FLI1: variants seen among roughly 807,000 people sequenced by gnomAD.
The protein encoded by FLI1 is Friend leukemia integration 1 transcription factor.
Under a neutral mutation model 53.1 loss-of-function variants are expected in FLI1, and 13 were observed. That is an observed-to-expected ratio of 0.24 (90% CI 0.16 to 0.39). The LOEUF (loss-of-function observed/expected upper bound fraction) is 0.39, where lower values mean the gene tolerates loss of function less well. Among genes scored for constraint, FLI1 ranks in the 10% least tolerant of loss-of-function variants. The pLI, the probability that FLI1 is intolerant of heterozygous loss-of-function variation, is 1.00. For synonymous variants in FLI1, 244 were observed against 236.7 expected (o/e 1.03, Z -0.28); for missense variants, 424 against 600.5 (o/e 0.71, Z 3.07).
At chr11:128,789,453 C>A (rs1942199493) in intron 5 of FLI1, among the ~76,000 whole-genome samples, 1 of 152,196 alleles carries the variant, frequency 6.6e-6, no homozygotes. Context: ...ACCATGAATT[C>A]ATGATTGTTA....
At chr11:128,714,710 C>CTTTTTT (rs11381734) in intron 1 of FLI1, among the ~76,000 whole-genome samples, 2 of 121,686 alleles carry the variant, frequency 1.6e-5, no homozygotes, top group African/African-American at 6.3e-5. Context: ...CTTGAAGGAC[C>CTTTTTT]TTTTTTTTTT....
At chr11:128,698,950 G>A (rs554940337) in intron 1 of FLI1, among the ~76,000 whole-genome samples, 1 of 152,172 alleles carries the variant, frequency 6.6e-6, no homozygotes, top group Admixed American at 6.5e-5. Flanking sequence ...TTTTCCAGCA[G>A]ACAAAGTAAA....
chr11:128,794,779 G>A (rs1204496854), intron 5 of FLI1, among the ~76,000 whole-genome samples: 4 of 152,154 alleles, frequency 2.6e-5, no homozygotes, highest in African/African-American at 4.8e-5. Flanking sequence ...CTGTAAGATC[G>A]AGAAGTTTAA....
chr11:128,725,673 TG>T (rs398018022), intron 1 of FLI1, among the ~76,000 whole-genome samples: 1 of 151,732 alleles, frequency 6.6e-6, no homozygotes, highest in Non-Finnish European at 1.5e-5. Flanking sequence ...TGTGTGTGTG[TG>T]TTTGTGTGTG....
At chr11:128,800,445 G>A (rs374320232) in intron 5 of FLI1, among the ~76,000 whole-genome samples, 5 of 152,260 alleles carry the variant, frequency 3.3e-5, no homozygotes, top group South Asian at 4.2e-4. Context: ...GCTGCATGCC[G>A]GCAGGGACGT....
At chr11:128,798,845 T>C (rs1003175572) in intron 5 of FLI1, among the ~76,000 whole-genome samples, 2 of 152,070 alleles carry the variant, frequency 1.3e-5, no homozygotes, top group Non-Finnish European at 2.9e-5. Flanking sequence ...CCAGTGACTC[T>C]GGCACCTGAC....
intron 5 of FLI1, among the ~76,000 whole-genome samples, chr11:128,790,547 T>C (rs1320894011): frequency 1.3e-5 from 2 of 152,212 alleles, no homozygotes; most frequent in African/African-American, 4.8e-5. Flanking sequence ...GTAAAAGGAC[T>C]GTTATTTCTT....
intron 1 of FLI1, among the ~76,000 whole-genome samples, chr11:128,723,640 G>A (rs1232924348): frequency 6.6e-6 from 1 of 152,188 alleles, no homozygotes; most frequent in Non-Finnish European, 1.5e-5. Flanking sequence ...GTAGATCAAT[G>A]CAACCCATTT....
At chr11:128,771,548 T>C (rs76742638) in intron 3 of FLI1, among the ~76,000 whole-genome samples, 2,841 of 152,348 alleles carry the variant, frequency 0.019, 46 homozygotes, top group Middle Eastern at 0.048. Flanking sequence ...TCAATCCTGG[T>C]TCCCTGCTTT....
chr11:128,738,912 G>C (rs1940015348), intron 1 of FLI1, among the ~76,000 whole-genome samples: 1 of 152,190 alleles, frequency 6.6e-6, no homozygotes, highest in Admixed American at 6.5e-5. Context: ...GGGCTTTTCA[G>C]TGTGTAAACC....
At chr11:128,778,314 T>TC (rs748572051) in intron 4 of FLI1, among the ~76,000 whole-genome samples, 1 of 152,024 alleles carries the variant, frequency 6.6e-6, no homozygotes, top group African/African-American at 2.4e-5. Flanking sequence ...CATAAGCACC[T>TC]CCCGGGCCAA....
chr11:128,739,669 A>G (rs929736672), intron 1 of FLI1, among the ~76,000 whole-genome samples: 1 of 151,946 alleles, frequency 6.6e-6, no homozygotes, highest in Non-Finnish European at 1.5e-5. Context: ...ATTAGGGGGG[A>G]AAAATCCTTC....
intron 5 of FLI1, among the ~76,000 whole-genome samples, chr11:128,795,248 G>A (rs1360720472): frequency 1.3e-5 from 2 of 152,196 alleles, no homozygotes; most frequent in Non-Finnish European, 2.9e-5. Context: ...CTCAAGATAT[G>A]TTTTTCTTCC....
At position 128,783,701 on chromosome 11, in the gene FLI1, T is replaced by G. The variant is rs1941994884; in HGVS notation, c.655+1678T>G. 2.0e-5 allele frequency among the ~76,000 whole-genome samples: 3 copies of G among 152,206 alleles called. No homozygotes were observed. The South Asian group carries it at 6.2e-4, about 31-fold the overall frequency. On this transcript the variant is annotated intron_variant, in intron 5 of 8. Coordinates refer to ENST00000527786, the MANE Select transcript of FLI1 (RefSeq NM_002017.5). ...AGAAAACCACTTCAGGCCCTGAACC[T>G]CAGTTTCCTGCAGAACGAAAGAGAA...
At position 128,810,605 on chromosome 11, in the gene FLI1, A is replaced by G. The variant is rs1395695165; in HGVS notation, c.976A>G (p.Ser326Gly). Reference sequence around the variant, plus strand: ...GGCCAGGCGCTGGGGCGAGCGGAAAAGCAAGCCCAACATGAATTACGACAA... The same window carrying G: ...GGCCAGGCGCTGGGGCGAGCGGAAAGGCAAGCCCAACATGAATTACGACAA... ...EVARRWGERKSKPNMNYDKLS... is the reference protein window; with the variant it reads ...EVARRWGERKGKPNMNYDKLS... The change falls in exon 9 of 9, where the codon AGC becomes GGC. Residue 326 changes from serine (S) to glycine (G), a missense_variant. Ser to Gly is a moderately conservative substitution (Grantham distance 56, BLOSUM62 0). This residue lies in a region of FLI1 where 71 missense variants were observed against 174.2 expected (regional missense o/e 0.41). Coordinates refer to ENST00000527786, the MANE Select transcript of FLI1 (RefSeq NM_002017.5). The surrounding 1 kb of genome is among the most constrained non-coding windows in gnomAD (Gnocchi z 6.6). The G allele has an allele frequency of 7.4e-6, 12 of 1,613,984 alleles. No individual in the cohort carries two copies. The highest frequency in any genetic ancestry group is 9.3e-6 in the Non-Finnish European group (11 of 1,179,918).
At chr11:128,804,587 G>A (rs1942726322) in intron 5 of FLI1, 1 of 152,208 alleles carries the variant, frequency 6.6e-6, no homozygotes, top group African/African-American at 2.4e-5. Context: ...CAGGTGGGGA[G>A]CAGGTCTCCA....
chr11:128,763,430 A>C (rs1263044345), intron 2 of FLI1, among the ~76,000 whole-genome samples: 1 of 152,222 alleles, frequency 6.6e-6, no homozygotes, highest in Non-Finnish European at 1.5e-5. Context: ...GTCTGCAAAT[A>C]ACTCTCAGCT....
At chr11:128,705,919 G>T (rs1938528943) in intron 1 of FLI1, among the ~76,000 whole-genome samples, 2 of 151,996 alleles carry the variant, frequency 1.3e-5, no homozygotes, top group South Asian at 4.1e-4. Context: ...TTTCCCCACA[G>T]CATTCTGTGT....
In FLI1 at chr11:128,758,211, A is replaced by T. The variant is rs1314944105; in HGVS notation, c.115A>T (p.Ser39Cys). The T allele has an allele frequency of 1.9e-6, 3 of 1,613,294 alleles. No homozygotes were observed. The highest frequency in any genetic ancestry group is 2.5e-6 in the Non-Finnish European group (3 of 1,179,616). ...CAAGGCCGACATGACTGCCTCGGGG[A>T]GTCCTGACTACGGGCAGCCCCACAA... ...LPKADMTASG[S>C]PDYGQPHKIN... The change falls in exon 2 of 9, where the codon AGT (serine) becomes TGT (cysteine). Residue 39 changes from serine to cysteine, a missense_variant. Transcript: ENST00000527786.
Sources: gnomAD v4.1 joint callset for allele counts (sites outside exome capture counted in the v4.1 genomes callset) on GRCh38, gnomAD v4.1.1 for gene constraint, gnomAD v4.1.1 regional missense constraint, Gnocchi (gnomAD v3.1) non-coding constraint, MANE v1.5 for transcripts, NCBI Gene and HGNC (gene_info 2026-07-23, HGNC 2026-07-21) for gene names.